CCSER1: variants seen among roughly 807,000 people sequenced by gnomAD.
The protein encoded by CCSER1 is coiled-coil serine rich protein 1, also known as serine-rich coiled-coil domain-containing protein 1.
Under a neutral mutation model 82.0 loss-of-function variants are expected in CCSER1, and 41 were observed. The observed-to-expected ratio is 0.50, with a 90% CI of 0.39 to 0.65. The LOEUF (loss-of-function observed/expected upper bound fraction) is 0.65. Ranked by LOEUF, CCSER1 falls within the 30% of genes least tolerant of loss-of-function variation. CCSER1 has a pLI of 0.00. For missense variants in CCSER1, 1,119 were observed against 1,064.2 expected (o/e 1.05, Z -0.72); for synonymous variants, 414 against 383.9 (o/e 1.08, Z -0.92).
intron 10 of CCSER1, among the ~76,000 whole-genome samples, chr4:91,308,307 G>T (rs1745218769): frequency 6.6e-6 from 1 of 151,910 alleles, no homozygotes; most frequent in South Asian, 2.1e-4. Flanking sequence ...TTCCCTGAAG[G>T]CACAAAGAAA....
intron 10 of CCSER1, among the ~76,000 whole-genome samples, chr4:91,574,485 A>C (rs1381163998): frequency 6.6e-6 from 1 of 152,156 alleles, no homozygotes; most frequent in Non-Finnish European, 1.5e-5. Flanking sequence ...AAAGACATGG[A>C]ATCTATCTAG....
chr4:90,665,339 T>C (rs925929638), intron 6 of CCSER1, among the ~76,000 whole-genome samples: 1 of 151,944 alleles, frequency 6.6e-6, no homozygotes, highest in African/African-American at 2.4e-5. Context: ...CTTTTTTTTT[T>C]TTGAGACGGA....
intron 10 of CCSER1, among the ~76,000 whole-genome samples, chr4:91,370,887 T>C (rs961305747): frequency 6.6e-5 from 10 of 152,018 alleles, no homozygotes; most frequent in African/African-American, 2.4e-4. Context: ...GTTATTTTTA[T>C]TTTTTACTCT....
At chr4:90,342,994 C>T (rs1741689666) in intron 3 of CCSER1, among the ~76,000 whole-genome samples, 1 of 151,986 alleles carries the variant, frequency 6.6e-6, no homozygotes, top group Non-Finnish European at 1.5e-5. Flanking sequence ...TTCTGGGTGC[C>T]TCTCTTCTTC....
chr4:90,780,899 G>A (rs1753680226), intron 7 of CCSER1: 2 of 635,992 alleles, frequency 3.1e-6, no homozygotes, highest in South Asian at 6.7e-5. Context: ...AAGAAAAGGG[G>A]TATAATTGGC....
At chr4:91,490,426 T>A (rs1009674707) in intron 10 of CCSER1, among the ~76,000 whole-genome samples, 1 of 151,992 alleles carries the variant, frequency 6.6e-6, no homozygotes, top group African/African-American at 2.4e-5. Flanking sequence ...AAGAAAGAGA[T>A]CCTGTCATTT....
chr4:91,043,454 C>T (rs372262984), intron 9 of CCSER1, among the ~76,000 whole-genome samples: 1 of 151,982 alleles, frequency 6.6e-6, no homozygotes, highest in South Asian at 2.1e-4. Context: ...ATAGGCCCAA[C>T]CAAATGCACA....
intron 7 of CCSER1, among the ~76,000 whole-genome samples, chr4:90,735,151 G>T (rs1172854015): frequency 6.6e-6 from 1 of 152,016 alleles, no homozygotes; most frequent in African/African-American, 2.4e-5. Context: ...GTTAAACCAG[G>T]CTTGTATCTG....
At chr4:91,117,966 T>G (rs2148886105) in intron 10 of CCSER1, among the ~76,000 whole-genome samples, 1 of 152,334 alleles carries the variant, frequency 6.6e-6, no homozygotes, top group Non-Finnish European at 1.5e-5. Context: ...TTTGATATTT[T>G]AAAATATAGG....
chr4:90,331,963 A>AT (rs1007521744), intron 3 of CCSER1, among the ~76,000 whole-genome samples: 1 of 151,846 alleles, frequency 6.6e-6, no homozygotes, highest in Admixed American at 6.6e-5. Context: ...CTCTATTTTT[A>AT]TTTTTTCCCC....
chr4:90,546,401 T>G (rs2153638250), intron 5 of CCSER1, among the ~76,000 whole-genome samples: 1 of 152,260 alleles, frequency 6.6e-6, no homozygotes. Context: ...TATATTTCAT[T>G]GTGTGCAGTT....
intron 5 of CCSER1, among the ~76,000 whole-genome samples, chr4:90,487,228 A>G (rs1767248687): frequency 6.6e-6 from 1 of 152,104 alleles, no homozygotes; most frequent in African/African-American, 2.4e-5. Context: ...ATTTTTTAAT[A>G]CCTCTTTACA....
chr4:90,768,970 A>G (rs1751670840), intron 7 of CCSER1, among the ~76,000 whole-genome samples: 1 of 152,180 alleles, frequency 6.6e-6, no homozygotes, highest in African/African-American at 2.4e-5. Flanking sequence ...GGCTTCAATC[A>G]AAGATCAAAT....
intron 4 of CCSER1, among the ~76,000 whole-genome samples, chr4:90,402,737 T>A (rs1753062617): frequency 6.6e-6 from 1 of 152,216 alleles, no homozygotes; most frequent in Non-Finnish European, 1.5e-5. Context: ...ATCTGAAGAC[T>A]TATTTCAGTG....
Position 90,610,678 on chromosome 4 carries a change from T to C in CCSER1, c.1725-17347T>C, listed in dbSNP as rs17017276. ...ATAATTAAGCAGTACAACAATAAAC[T>C]TCATGTTAGTATTATGATGAACATC... On this transcript the variant is annotated intron_variant, in intron 5 of 10. Coordinates refer to ENST00000509176, the MANE Select transcript of CCSER1 (RefSeq NM_001145065.2). Among the ~76,000 whole-genome samples, 1,196 of 152,228 alleles carry C rather than the reference T, an allele frequency of 7.9e-3. 18 individuals are homozygous for C. Among genetic ancestry groups the C allele is most frequent in the African/African-American group, 0.026 (1,098 of 41,522 alleles).
intron 6 of CCSER1, among the ~76,000 whole-genome samples, chr4:90,694,785 A>G (rs1436571591): frequency 7.5e-6 from 1 of 133,562 alleles, no homozygotes; most frequent in Admixed American, 7.8e-5. Context: ...TCAATGCACG[A>G]TGTGTGTGTG....
intron 4 of CCSER1, among the ~76,000 whole-genome samples, chr4:90,425,528 C>T (rs145478655): frequency 7.2e-5 from 11 of 152,234 alleles, no homozygotes; most frequent in African/African-American, 2.2e-4. Context: ...GCACAGTCTC[C>T]GCCATCAAAA....
intron 8 of CCSER1, among the ~76,000 whole-genome samples, chr4:90,863,181 C>T (rs1211948194): frequency 6.6e-6 from 1 of 150,998 alleles, no homozygotes; most frequent in East Asian, 2.0e-4. Flanking sequence ...TGAGTGAGAA[C>T]ATGCGGTGTT....
At chr4:91,263,115 T>A (rs1050271604) in intron 10 of CCSER1, among the ~76,000 whole-genome samples, 17 of 152,014 alleles carry the variant, frequency 1.1e-4, no homozygotes, top group Admixed American at 7.2e-4. Flanking sequence ...GACAACTGTT[T>A]ATGTGTGTAT....
Sources: gnomAD v4.1 joint callset for allele counts (sites outside exome capture counted in the v4.1 genomes callset) on GRCh38, gnomAD v4.1.1 for gene constraint, MANE v1.5 for transcripts, NCBI Gene and HGNC (gene_info 2026-07-23, HGNC 2026-07-21) for gene names.